The following FRMD1 variants were observed in gnomAD, a reference collection of about 807,000 sequenced individuals.
FRMD1 encodes FERM domain-containing protein 1.
Under a neutral mutation model 54.9 loss-of-function variants are expected in FRMD1, and 51 were observed. The ratio of observed to expected loss-of-function variants is 0.93; its 90% CI spans 0.74 to 1.17. The LOEUF is 1.17. Among genes scored for constraint, FRMD1 ranks in the 50% most tolerant of loss-of-function variants. The probability of loss-of-function intolerance (pLI) is 0.00; values close to 1 mark genes in which losing one functional copy is unlikely to be tolerated. For synonymous variants in FRMD1, 324 were observed against 306.4 expected (o/e 1.06, Z -0.60); for missense variants, 729 against 743.0 (o/e 0.98, Z 0.22).
rs1799351783 is a variant in FRMD1 at position 168,054,872 on chromosome 6, C to T, written c.*2225G>A. On this transcript the variant is annotated 3_prime_UTR_variant, in exon 11 of 11. Transcript: ENST00000283309. Reference sequence around the variant, plus strand: ...AGGCTCAAGCCTTAGGGGAGTCTGCCCCGGCCCCGGCTGGGTGTGTCTGAG... The same window carrying T: ...AGGCTCAAGCCTTAGGGGAGTCTGCTCCGGCCCCGGCTGGGTGTGTCTGAG... The T allele has an allele frequency of 1.3e-5, 2 of 152,254 alleles. No individual in the cohort carries two copies. The highest frequency in any genetic ancestry group is 2.9e-5 in the Non-Finnish European group (2 of 68,140). 9.4% of individuals were successfully genotyped at this position (152,254 alleles called of 1,614,324 possible). A position where few individuals can be genotyped will look rare whatever the true frequency, so the allele number is the denominator to read the frequency against.
intron 1 of FRMD1, chr6:168,075,831 G>A (rs1231276391): frequency 1.1e-5 from 17 of 1,541,140 alleles, no homozygotes; most frequent in South Asian, 2.4e-5. Flanking sequence ...CGTCTGGTGC[G>A]TGTCCCTGTT....
In FRMD1 at chr6:168,059,374, C is replaced by T. The variant is rs975576440; in HGVS notation, c.1343-186G>A. ...ATTCCCCGACATCTGATAAAACGGC[C>T]CCTTGCTGTGCAGATGCGGGATTAG... is the stretch of plus-strand genomic sequence containing the variant. On this transcript the variant is annotated intron_variant, in intron 9 of 10. Coordinates refer to ENST00000283309, the MANE Select transcript of FRMD1 (RefSeq NM_024919.6). This position sits in a 1 kb window ranked among gnomAD's most constrained non-coding sequence, Gnocchi z 4.4. 1.3e-5 allele frequency among the ~76,000 whole-genome samples: 2 copies of T among 152,154 alleles called. No homozygotes were observed. Among genetic ancestry groups the T allele is most frequent in the East Asian group, 1.9e-4 (1 of 5,186 alleles).
At chr6:168,057,713 A>T in intron 10 of FRMD1, 1 of 229,984 alleles carries the variant, frequency 4.3e-6, no homozygotes, top group South Asian at 6.0e-5. Context: ...CCTATTTTAT[A>T]CGGGAGGAAA....
At chr6:168,073,108 A>G (rs1329070078) in intron 2 of FRMD1, among the ~76,000 whole-genome samples, 10 of 152,306 alleles carry the variant, frequency 6.6e-5, no homozygotes, top group Non-Finnish European at 1.5e-5. Flanking sequence ...AAAGTCCACC[A>G]GTATTCAACC....
Position 168,075,287 on chromosome 6 carries a change from T to A in FRMD1, c.262A>T (p.Ser88Cys), listed in dbSNP as rs1177186904. 2.5e-6 allele frequency: 4 copies of A among 1,613,728 alleles called. No homozygotes were observed. Reference protein sequence around the residue: ...ELFQQVCNVASIRDAQFFGLC... With the variant: ...ELFQQVCNVACIRDAQFFGLC... The stretch of plus-strand genomic sequence containing the variant: ...CCAAAGAACTGCGCGTCTCTGATGC[T>A]CGCCACGTTGCACACTTGCTGGAAA... Residue 88 changes from serine (S) to cysteine (C), a missense_variant, in exon 2 of 11, where the codon AGC (serine) becomes TGC (cysteine). Physicochemically the swap from Ser to Cys is moderately radical, Grantham distance 112. Coordinates refer to ENST00000283309, the MANE Select transcript of FRMD1 (RefSeq NM_024919.6).
intron 8 of FRMD1, among the ~76,000 whole-genome samples, chr6:168,061,340 C>T (rs1055113643): frequency 6.6e-6 from 1 of 151,292 alleles, no homozygotes. Context: ...TGTGGGTAAA[C>T]GCTGAGGCCA....
At chr6:168,074,618 GCA>G in intron 2 of FRMD1, among the ~76,000 whole-genome samples, 2 of 148,852 alleles carry the variant, frequency 1.3e-5, no homozygotes, top group South Asian at 2.2e-4. Context: ...TGTGTGTGGT[GCA>G]TGCATGTGTA....
chr6:168,078,834 A>AC (rs770931676), intron 1 of FRMD1, 48 bp downstream of exon 1: 83 of 1,213,004 alleles, frequency 6.8e-5, no homozygotes, highest in Admixed American at 2.5e-4. Context: ...AGCCCTGCTC[A>AC]CCCCCACAGC....
intron 1 of FRMD1, among the ~76,000 whole-genome samples, chr6:168,076,033 G>T (rs1296812654): frequency 6.6e-6 from 1 of 152,224 alleles, no homozygotes; most frequent in Non-Finnish European, 1.5e-5. Context: ...GGATGGGATT[G>T]GCGGGCATCC....
upstream of FRMD1, chr6:168,081,486 C>T (rs1306694337): frequency 6.5e-7 from 1 of 1,534,804 alleles, no homozygotes; most frequent in South Asian, 1.2e-5. Context: ...ATGGCTGAGC[C>T]CTGGAGTCCT....
chr6:168,088,880 A>AT (rs1562436430), intron 1 of FRMD1, among the ~76,000 whole-genome samples: 33 of 49,722 alleles, frequency 6.6e-4, no homozygotes, highest in Middle Eastern at 0.012. Context: ...CAACCTCCCC[A>AT]CTCCTTGTGT....
chr6:168,085,534 C>T (rs1400559776), upstream of FRMD1, among the ~76,000 whole-genome samples: 2 of 152,184 alleles, frequency 1.3e-5, no homozygotes, highest in African/African-American at 4.8e-5. Flanking sequence ...CATGGCTCCC[C>T]AGGACGGGCC....
At chr6:168,078,504 A>G (rs1486290230) in intron 1 of FRMD1, among the ~76,000 whole-genome samples, 3 of 151,064 alleles carry the variant, frequency 2.0e-5, no homozygotes, top group African/African-American at 4.9e-5. Context: ...CTGTGTCCTG[A>G]GGCTCTGCTC....
chr6:168,059,279 G>A lies in FRMD1; in HGVS notation c.1343-91C>T, dbSNP rs553209573. ...CAGTTCCCTGCACTTCTGGGGCCCT[G>A]GTCTCGGACCGGCATCTCCTGAGGC... On this transcript the variant is annotated intron_variant, in intron 9 of 10. Coordinates refer to ENST00000283309, the MANE Select transcript of FRMD1 (RefSeq NM_024919.6). This position sits in a 1 kb window ranked among gnomAD's most constrained non-coding sequence, Gnocchi z 4.4. 9 of 1,109,516 alleles carry A rather than the reference G, an allele frequency of 8.1e-6. No homozygotes were observed. Among genetic ancestry groups the A allele is most frequent in the Non-Finnish European group, 5.2e-6 (4 of 769,074 alleles). 68.7% of individuals were successfully genotyped at this position (1,109,516 alleles called of 1,614,324 possible). A position where few individuals can be genotyped will look rare whatever the true frequency, so the allele number is the denominator to read the frequency against.
intron 10 of FRMD1, among the ~76,000 whole-genome samples, chr6:168,058,768 A>G (rs1223898259): frequency 6.6e-6 from 1 of 152,144 alleles, no homozygotes; most frequent in East Asian, 1.9e-4. Flanking sequence ...AGGTGGACGA[A>G]GGGGACGGGG....
At chr6:168,075,749 G>A (rs1385501874) in intron 1 of FRMD1, 3 of 1,549,154 alleles carry the variant, frequency 1.9e-6, no homozygotes, top group African/African-American at 2.7e-5. Flanking sequence ...ATCATCCATC[G>A]CCCAACTGAT....
At position 168,056,936 on chromosome 6, in the gene FRMD1, C is replaced by T. The variant is rs566607808; in HGVS notation, c.*161G>A. The T allele has an allele frequency of 4.6e-4, 386 of 839,138 alleles. 2 individuals carry two copies. The African/African-American group carries it at 6.5e-3, about 14-fold the overall frequency. The allele number at this position is 839,138 out of a possible 1,614,324, so 52.0% of individuals were successfully genotyped here. A position where few individuals can be genotyped will look rare whatever the true frequency, so the allele number is the denominator to read the frequency against. ...TGTTTGTTACCTCCCAGGTTGATGT[C>T]AGAGCCAGCTCCACACCTCTTACAG... On this transcript the variant is annotated 3_prime_UTR_variant, in exon 11 of 11. Transcript: ENST00000283309.
rs545141379 is a variant in FRMD1, at chr6:168,061,919, C to G, written c.933G>C (p.Thr311=). ...GGTGCCTGGACCGCCAGGTGCACCC[C>G]GTGTAGTAAACCAGCTTCTGTGCTG... ...LPAAQKLVYY[T]GCTWRSRHLL... Residue 311 remains threonine (T), a synonymous_variant, in exon 8 of 11, where the codon ACG becomes ACC. Coordinates refer to ENST00000283309, the MANE Select transcript of FRMD1 (RefSeq NM_024919.6). 1.3e-6 allele frequency: 2 copies of G among 1,599,582 alleles called. No individual in the cohort carries two copies. The highest frequency in any genetic ancestry group is 1.7e-5 in the Admixed American group (1 of 58,610).
intron 1 of FRMD1, chr6:168,075,614 G>A: frequency 1.2e-6 from 1 of 804,470 alleles, no homozygotes. Context: ...CTGGTGTGAG[G>A]ATTTCCCGAG....
Sources: gnomAD v4.1 joint callset for allele counts (sites outside exome capture counted in the v4.1 genomes callset) on GRCh38, gnomAD v4.1.1 for gene constraint, Gnocchi (gnomAD v3.1) non-coding constraint, MANE v1.5 for transcripts, NCBI Gene and HGNC (gene_info 2026-07-23, HGNC 2026-07-21) for gene names.